The following GRM8 variants were observed in gnomAD, a reference collection of about 807,000 sequenced individuals.
GRM8 encodes glutamate metabotropic receptor 8, also known as metabotropic glutamate receptor 8.
Under a neutral mutation model 87.2 loss-of-function variants are expected in GRM8, and 47 were observed. That is an observed-to-expected ratio of 0.54 (90% CI 0.43 to 0.69). GRM8 has a LOEUF of 0.69. GRM8 is among the 30% of genes least tolerant of loss of function. The pLI, the probability that GRM8 is intolerant of heterozygous loss-of-function variation, is 0.00. For synonymous variants in GRM8, 396 were observed against 404.5 expected, an observed-to-expected ratio of 0.98 and a Z score of 0.25; for missense variants, 1,019 against 1,139.2, an observed-to-expected ratio of 0.89 and a Z score of 1.52.
At position 126,497,332 on chromosome 7, in the gene GRM8, G is replaced by A. The variant is rs185132455; in HGVS notation, c.2430+35620C>T. Among the ~76,000 whole-genome samples the A allele has an allele frequency of 9.2e-5, 14 of 151,928 alleles. No individual in the cohort carries two copies. In the East Asian group the frequency reaches 2.7e-3, roughly 30 times the overall value. ...AACTATTTAAATATGAGGAAACTTG[G>A]GAGCAACAACAGTGGATGGAGGGCC... On this transcript the variant is annotated intron_variant, in intron 9 of 10. Coordinates refer to ENST00000339582, the MANE Select transcript of GRM8 (RefSeq NM_000845.3).
At chr7:126,610,697 C>CA (rs1313018617) in intron 7 of GRM8, among the ~76,000 whole-genome samples, 1 of 152,020 alleles carries the variant, frequency 6.6e-6, no homozygotes, top group Non-Finnish European at 1.5e-5. Flanking sequence ...ATGACTTTAT[C>CA]AAAAAAACAC....
chr7:126,784,434 C>G (rs1820414033), intron 6 of GRM8, among the ~76,000 whole-genome samples: 1 of 152,132 alleles, frequency 6.6e-6, no homozygotes, highest in African/African-American at 2.4e-5. Flanking sequence ...ATGTGAAAAT[C>G]ATAGCCTGAG....
chr7:126,451,131 A>G (rs1020636003), intron 9 of GRM8, among the ~76,000 whole-genome samples: 1 of 151,852 alleles, frequency 6.6e-6, no homozygotes, highest in Non-Finnish European at 1.5e-5. Context: ...ATATACTGAC[A>G]AATTCCGGGC....
chr7:126,559,339 AT>A (rs760036314), intron 8 of GRM8, among the ~76,000 whole-genome samples: 3 of 151,448 alleles, frequency 2.0e-5, no homozygotes, highest in Non-Finnish European at 4.4e-5. Flanking sequence ...CACCAGGCCA[AT>A]TTTTGCATTT....
At chr7:127,140,148 T>C (rs1248926043) in intron 2 of GRM8, among the ~76,000 whole-genome samples, 2 of 151,952 alleles carry the variant, frequency 1.3e-5, no homozygotes, top group Admixed American at 6.6e-5. Context: ...GACTATGGAG[T>C]GGTAATCTTA....
At chr7:126,570,726 A>G (rs1022222473) in intron 8 of GRM8, among the ~76,000 whole-genome samples, 7 of 152,132 alleles carry the variant, frequency 4.6e-5, no homozygotes, top group Non-Finnish European at 7.4e-5. Context: ...AGGAATTACC[A>G]TGACACTTCC....
chr7:126,537,059 G>C (rs989088780), intron 8 of GRM8, among the ~76,000 whole-genome samples: 5 of 152,074 alleles, frequency 3.3e-5, no homozygotes, highest in African/African-American at 7.2e-5. Flanking sequence ...AGCTAAATGT[G>C]AAATTTTCCT....
chr7:127,058,974 G>A (rs117710498), intron 3 of GRM8, among the ~76,000 whole-genome samples: 2,739 of 152,180 alleles, frequency 0.018, 42 homozygotes, highest in Non-Finnish European at 0.031. Context: ...TAGGTACAAG[G>A]GCTCAGATGA....
chr7:126,468,604 A>G (rs1804781588), intron 9 of GRM8, among the ~76,000 whole-genome samples: 1 of 151,990 alleles, frequency 6.6e-6, no homozygotes, highest in African/African-American at 2.4e-5. Context: ...CTTGCATTTC[A>G]TTGCCATTAA....
At chr7:126,617,528 G>A (rs1430049937) in intron 7 of GRM8, among the ~76,000 whole-genome samples, 1 of 152,168 alleles carries the variant, frequency 6.6e-6, no homozygotes, top group Non-Finnish European at 1.5e-5. Flanking sequence ...TCTGGCCAGG[G>A]CAATCAGGCA....
chr7:127,240,983 A>C (rs752422437), intron 2 of GRM8, among the ~76,000 whole-genome samples: 5 of 152,166 alleles, frequency 3.3e-5, no homozygotes, highest in Non-Finnish European at 7.3e-5. Flanking sequence ...ACATGTTTTA[A>C]TTGTGTCCTT....
intron 6 of GRM8, among the ~76,000 whole-genome samples, chr7:126,864,851 T>C (rs988104901): frequency 1.3e-5 from 2 of 152,100 alleles, no homozygotes; most frequent in African/African-American, 2.4e-5. Flanking sequence ...TCTCTTCTGC[T>C]GGGACCCCAT....
At chr7:127,010,023 A>G (rs1438285598) in intron 3 of GRM8, among the ~76,000 whole-genome samples, 6 of 151,754 alleles carry the variant, frequency 4.0e-5, no homozygotes, top group African/African-American at 1.5e-4. Context: ...TTGTATTTTT[A>G]GTAGTGTCAG....
At chr7:126,906,434 T>C (rs1166683122) in intron 3 of GRM8, among the ~76,000 whole-genome samples, 1 of 152,072 alleles carries the variant, frequency 6.6e-6, no homozygotes, top group East Asian at 1.9e-4. Context: ...GCTCACCTCA[T>C]CCTCCGGAGT....
chr7:126,805,069 T>C (rs938428853), intron 6 of GRM8, among the ~76,000 whole-genome samples: 2 of 152,158 alleles, frequency 1.3e-5, no homozygotes, highest in Non-Finnish European at 1.5e-5. Context: ...AGCCCATAAA[T>C]AGTAATAGAA....
At chr7:126,731,737 A>T (rs62477959) in intron 7 of GRM8, among the ~76,000 whole-genome samples, 20,183 of 152,086 alleles carry the variant, frequency 0.13, 1,641 homozygotes, top group East Asian at 0.22. Flanking sequence ...ACATATATGT[A>T]TTCATATAAT....
chr7:126,705,120 C>A (rs968763640), intron 7 of GRM8, among the ~76,000 whole-genome samples: 1 of 152,018 alleles, frequency 6.6e-6, no homozygotes, highest in Admixed American at 6.6e-5. Flanking sequence ...TCAATCCGGC[C>A]GATGCTTAGG....
At chr7:127,246,152 A>G (rs73231274) in intron 1 of GRM8, among the ~76,000 whole-genome samples, 1 of 152,320 alleles carries the variant, frequency 6.6e-6, no homozygotes, top group Non-Finnish European at 1.5e-5. Flanking sequence ...TCCCCTTTTA[A>G]AAAACCTAAG....
intron 2 of GRM8, among the ~76,000 whole-genome samples, chr7:127,208,673 T>C (rs1796050331): frequency 6.6e-6 from 1 of 152,170 alleles, no homozygotes; most frequent in African/African-American, 2.4e-5. Flanking sequence ...TTAGAAAGCT[T>C]TTACAATGAT....
Sources: gnomAD v4.1 joint callset for allele counts (sites outside exome capture counted in the v4.1 genomes callset) on GRCh38, gnomAD v4.1.1 for gene constraint, MANE v1.5 for transcripts, NCBI Gene and HGNC (gene_info 2026-07-23, HGNC 2026-07-21) for gene names.